ZFHX3: variants seen among roughly 807,000 people sequenced by gnomAD.
ZFHX3 encodes the protein zinc finger homeobox 3, also known as zinc finger homeobox protein 3.
In ZFHX3, 42 loss-of-function variants were observed where a neutral mutation model predicts 279.1. The observed-to-expected ratio is 0.15, with a 90% CI of 0.12 to 0.19. ZFHX3 has a LOEUF of 0.19. Among genes scored for constraint, ZFHX3 ranks in the 10% least tolerant of loss-of-function variants. The pLI, the probability that ZFHX3 is intolerant of heterozygous loss-of-function variation, is 1.00. For missense variants in ZFHX3, 4,981 were observed against 4,754.0 expected (o/e 1.05, Z -1.40); for synonymous variants, 2,293 against 1,957.8 (o/e 1.17, Z -4.52).
chr16:73,564,286 G>A (rs759142312), intron 2 of ZFHX3, among the ~76,000 whole-genome samples: 22 of 152,118 alleles, frequency 1.4e-4, no homozygotes, highest in Non-Finnish European at 1.6e-4. Flanking sequence ...CTGGGCCAAG[G>A]GTTTGGTGCC....
chr16:72,809,452 A>G (rs2036372900), intron 7 of ZFHX3: 1 of 152,216 alleles, frequency 6.6e-6, no homozygotes, highest in African/African-American at 2.4e-5. Flanking sequence ...CCACTGGTCC[A>G]CAGAAGGAGG....
chr16:73,155,218 G>T (rs1434895716), intron 5 of ZFHX3, among the ~76,000 whole-genome samples: 1 of 149,210 alleles, frequency 6.7e-6, no homozygotes, highest in Middle Eastern at 3.2e-3. Flanking sequence ...AAAATAAAAA[G>T]ATTTTTTTTT....
In ZFHX3 at chr16:73,544,565, G is replaced by A. The variant is rs527638288; in HGVS notation, c.-1546-88307C>T. 2.4e-3 allele frequency among the ~76,000 whole-genome samples: 364 copies of A among 152,294 alleles called. 1 individual carries two copies. The highest frequency in any genetic ancestry group is 7.6e-3 in the African/African-American group (316 of 41,566). ...GTTTGCTATTCTGGGGCAAACCCCA[G>A]AAACCTCGAGGGAAAGAGAGCTTGG... On this transcript the variant is annotated intron_variant, in intron 2 of 17. Transcript: ENST00000641206.
At chr16:73,603,255 A>C (rs1306263187) in intron 2 of ZFHX3, among the ~76,000 whole-genome samples, 2 of 151,470 alleles carry the variant, frequency 1.3e-5, no homozygotes, top group Admixed American at 1.3e-4. Context: ...ACTGCACTCC[A>C]GCCTGGGCAA....
chr16:73,642,743 C>T (rs1294522165), intron 2 of ZFHX3, among the ~76,000 whole-genome samples: 1 of 152,152 alleles, frequency 6.6e-6, no homozygotes, highest in African/African-American at 2.4e-5. Context: ...TGAACAGACG[C>T]TGTTTTTCCT....
intron 2 of ZFHX3, among the ~76,000 whole-genome samples, chr16:73,556,918 A>G (rs1245819942): frequency 6.6e-6 from 1 of 151,668 alleles, no homozygotes; most frequent in Non-Finnish European, 1.5e-5. Flanking sequence ...ACATGGTGAA[A>G]CCCCATCTCT....
chr16:73,356,862 C>T (rs1294602670), intron 3 of ZFHX3, among the ~76,000 whole-genome samples: 1 of 150,388 alleles, frequency 6.6e-6, no homozygotes, highest in Non-Finnish European at 1.5e-5. Flanking sequence ...TCTTCCTGGC[C>T]ATGGGAGTAC....
intron 1 of ZFHX3, among the ~76,000 whole-genome samples, chr16:73,760,746 C>G (rs1474419239): frequency 5.3e-5 from 8 of 152,112 alleles, no homozygotes; most frequent in African/African-American, 1.7e-4. Flanking sequence ...TCAATAGATG[C>G]AGAAAAGGCC....
intron 2 of ZFHX3, among the ~76,000 whole-genome samples, chr16:73,654,853 AC>A (rs1362749433): frequency 0.011 from 966 of 89,502 alleles, 36 homozygotes; most frequent in African/African-American, 0.03. Context: ...GATAGTAATC[AC>A]TTTTTTTTTT....
At chr16:73,682,882 G>GA (rs780101734) in intron 1 of ZFHX3, among the ~76,000 whole-genome samples, 723 of 44,698 alleles carry the variant, frequency 0.016, 46 homozygotes, top group African/African-American at 0.057. Context: ...AAGAAAGAAA[G>GA]AAAGAAAGAA....
chr16:73,883,451 TGGACATGATATATACA>T (rs1272442366), intron 1 of ZFHX3, among the ~76,000 whole-genome samples: 1 of 151,800 alleles, frequency 6.6e-6, no homozygotes, highest in Non-Finnish European at 1.5e-5. Context: ...ATTTATAATG[TGGACATGATATATACA>T]TACAATCACA....
chr16:73,416,358 A>T (rs1388872949), intron 3 of ZFHX3, among the ~76,000 whole-genome samples: 2 of 152,148 alleles, frequency 1.3e-5, no homozygotes, highest in Non-Finnish European at 2.9e-5. Flanking sequence ...CTACAAGGTG[A>T]GAATAAAAAT....
chr16:72,933,828 T>C (rs1248506393), intron 3 of ZFHX3, among the ~76,000 whole-genome samples: 2 of 145,428 alleles, frequency 1.4e-5, no homozygotes, highest in Non-Finnish European at 3.1e-5. Context: ...TTTTTTTTTT[T>C]TTTTTTTTGA....
chr16:72,925,622 T>C lies in ZFHX3; in HGVS notation c.3216+24847A>G, dbSNP rs79399322. ...AACCCCGTCCCGTGTCTTTCCCTTA[T>C]CTTGAGTTGCCTTTCACTTTGAAGC... On this transcript the variant is annotated intron_variant, in intron 3 of 9. Transcript: ENST00000268489. 6.2e-3 allele frequency among the ~76,000 whole-genome samples: 947 copies of C among 152,350 alleles called. 11 individuals carry two copies. Among genetic ancestry groups the C allele is most frequent in the African/African-American group, 0.022 (910 of 41,586 alleles).
intron 3 of ZFHX3, among the ~76,000 whole-genome samples, chr16:72,929,751 T>A (rs552272191): frequency 1.3e-5 from 2 of 152,124 alleles, no homozygotes; most frequent in Non-Finnish European, 2.9e-5. Flanking sequence ...TTAAAACAAG[T>A]GTGCACTGGG....
intron 5 of ZFHX3, among the ~76,000 whole-genome samples, chr16:73,216,509 T>C (rs1372438578): frequency 2.0e-5 from 3 of 152,086 alleles, no homozygotes; most frequent in Non-Finnish European, 4.4e-5. Context: ...AAGTCAAGAG[T>C]CAACTCATTC....
At chr16:73,504,903 G>A (rs777834518) in intron 2 of ZFHX3, 17 of 151,952 alleles carry the variant, frequency 1.1e-4, no homozygotes, top group Admixed American at 4.6e-4. Flanking sequence ...GAATCACACA[G>A]GAATTTATTT....
At chr16:73,507,614 G>T (rs1320584065) in intron 2 of ZFHX3, among the ~76,000 whole-genome samples, 1 of 147,430 alleles carries the variant, frequency 6.8e-6, no homozygotes, top group Non-Finnish European at 1.5e-5. Context: ...TTCCACCTCA[G>T]CCTCCCAAGT....
At chr16:73,292,270 C>A (rs2014791268) in intron 4 of ZFHX3, among the ~76,000 whole-genome samples, 1 of 152,134 alleles carries the variant, frequency 6.6e-6, no homozygotes, top group Non-Finnish European at 1.5e-5. Flanking sequence ...GAGCACAGCA[C>A]AGGGTGTGAC....
Sources: gnomAD v4.1 joint callset for allele counts (sites outside exome capture counted in the v4.1 genomes callset) on GRCh38, gnomAD v4.1.1 for gene constraint, MANE v1.5 for transcripts, NCBI Gene and HGNC (gene_info 2026-07-23, HGNC 2026-07-21) for gene names.